The following C12orf42 variants were observed in gnomAD, a reference collection of about 807,000 sequenced individuals.
The protein encoded by C12orf42 is uncharacterized protein C12orf42.
A neutral mutation model predicts 21.6 loss-of-function variants in C12orf42; 25 were observed. That is an observed-to-expected ratio of 1.16 (90% CI 0.84 to 1.62). The LOEUF (loss-of-function observed/expected upper bound fraction) is 1.62, where lower values mean the gene tolerates loss of function less well. C12orf42 is among the 40% of genes most tolerant of loss of function. The probability of loss-of-function intolerance (pLI) is 0.00; values close to 1 mark genes in which losing one functional copy is unlikely to be tolerated. For synonymous variants in C12orf42, 174 were observed against 175.0 expected, an observed-to-expected ratio of 0.99 and a Z score of 0.05; for missense variants, 483 against 459.3, an observed-to-expected ratio of 1.05 and a Z score of -0.47.
At chr12:103,336,398 T>C (rs1257529774) in intron 4 of C12orf42, among the ~76,000 whole-genome samples, 1 of 152,194 alleles carries the variant, frequency 6.6e-6, no homozygotes, top group Non-Finnish European at 1.5e-5. Flanking sequence ...AAATCATACA[T>C]CCTGAGATTC....
Position 103,473,400 on chromosome 12 carries a change from T to C in C12orf42, c.78+4949A>G, listed in dbSNP as rs11111597. On this transcript the variant is annotated intron_variant, in intron 2 of 5. Transcript: ENST00000548883. ...GCCATTTGATAGGTGAAGAAACAGA[T>C]AGTCAGAGAGACCCCAGGCCATGCT... is the stretch of plus-strand genomic sequence containing the variant. Among the ~76,000 whole-genome samples the C allele has an allele frequency of 0.012, 1,887 of 152,250 alleles. 212 individuals are homozygous for C. The East Asian group carries it at 0.26, about 21-fold the overall frequency.
At chr12:103,184,722 C>G in the C12orf42 span, among the ~76,000 whole-genome samples, 6 of 102,550 alleles carry the variant, frequency 5.9e-5, no homozygotes, top group South Asian at 7.6e-4. Context: ...CCCCCCCCCC[C>G]CCAAATATAT....
chr12:103,491,939 T>C (rs1955211194), intron 1 of C12orf42, among the ~76,000 whole-genome samples: 1 of 118,862 alleles, frequency 8.4e-6, no homozygotes, highest in African/African-American at 2.8e-5. Context: ...AGAAACTCCT[T>C]GTTTTCAATT....
the C12orf42 span, among the ~76,000 whole-genome samples, chr12:103,154,223 G>A: frequency 6.6e-6 from 1 of 152,122 alleles, no homozygotes; most frequent in African/African-American, 2.4e-5. Flanking sequence ...TTTCTGGTAT[G>A]CTGGTGAATG....
intron 1 of C12orf42, among the ~76,000 whole-genome samples, chr12:103,485,903 T>A (rs1954800187): frequency 6.6e-6 from 1 of 152,200 alleles, no homozygotes; most frequent in African/African-American, 2.4e-5. Context: ...AGATATACAA[T>A]CATGTCATCT....
At chr12:103,271,920 G>C (rs1018343236) in intron 5 of C12orf42, among the ~76,000 whole-genome samples, 2 of 152,182 alleles carry the variant, frequency 1.3e-5, no homozygotes, top group South Asian at 4.1e-4. Context: ...AACTGCTAGA[G>C]AGTATGTGCT....
chr12:103,273,683 GA>G (rs1593256429), intron 5 of C12orf42: 3 of 364,124 alleles, frequency 8.2e-6, no homozygotes, highest in East Asian at 1.5e-4. Flanking sequence ...AGGTGGTATG[GA>G]TATAGTACAA....
the C12orf42 span, among the ~76,000 whole-genome samples, chr12:103,508,941 G>A: frequency 2.0e-5 from 3 of 152,178 alleles, no homozygotes; most frequent in Non-Finnish European, 2.9e-5. Context: ...AGTATTTGAA[G>A]TACTTTATAT....
chr12:103,350,093 C>A (rs759635503), intron 4 of C12orf42, among the ~76,000 whole-genome samples: 10 of 151,948 alleles, frequency 6.6e-5, no homozygotes, highest in Non-Finnish European at 1.2e-4. Context: ...AGATAATGAC[C>A]AAATTTAGGA....
chr12:103,426,365 T>C (rs1949810600), intron 2 of C12orf42, among the ~76,000 whole-genome samples: 1 of 151,854 alleles, frequency 6.6e-6, no homozygotes, highest in African/African-American at 2.4e-5. Flanking sequence ...ATCTCAGAGG[T>C]AGAAGATAGA....
chr12:103,289,135 C>T (rs1434498302), intron 4 of C12orf42, among the ~76,000 whole-genome samples: 2 of 152,108 alleles, frequency 1.3e-5, no homozygotes, highest in African/African-American at 4.8e-5. Flanking sequence ...TAATATATTA[C>T]ATATTTGGAA....
At chr12:103,376,005 TCTA>T (rs1185133963) in intron 3 of C12orf42, among the ~76,000 whole-genome samples, 4 of 152,124 alleles carry the variant, frequency 2.6e-5, no homozygotes, top group African/African-American at 9.7e-5. Flanking sequence ...ATATCTACCA[TCTA>T]CTGAGTGTAT....
chr12:103,537,088 C>CTGAATGAA, the C12orf42 span, among the ~76,000 whole-genome samples: 192 of 151,786 alleles, frequency 1.3e-3, no homozygotes, highest in African/African-American at 4.2e-3. Flanking sequence ...TTACTATTTT[C>CTGAATGAA]TGAATGAATG....
At chr12:103,159,141 G>A in the C12orf42 span, among the ~76,000 whole-genome samples, 1 of 152,168 alleles carries the variant, frequency 6.6e-6, no homozygotes, top group Non-Finnish European at 1.5e-5. Context: ...CCAGAAGATA[G>A]GCAAGTAAAG....
intron 2 of C12orf42, among the ~76,000 whole-genome samples, chr12:103,447,956 T>C (rs552684111): frequency 3.9e-5 from 6 of 152,048 alleles, no homozygotes; most frequent in South Asian, 2.1e-4. Flanking sequence ...TTATAATTCA[T>C]GTGGAACCAA....
intron 2 of C12orf42, among the ~76,000 whole-genome samples, chr12:103,418,032 A>G (rs10467020): frequency 0.19 from 29,211 of 152,170 alleles, 3,368 homozygotes; most frequent in East Asian, 0.35. Flanking sequence ...TAACTTTGCT[A>G]TTCTACCCTA....
At chr12:103,286,112 G>A (rs549081858) in intron 4 of C12orf42, among the ~76,000 whole-genome samples, 46 of 152,068 alleles carry the variant, frequency 3.0e-4, no homozygotes, top group African/African-American at 1.0e-3. Flanking sequence ...TCAGCTGGGC[G>A]TGGTGGCAGG....
chr12:103,443,127 GTTTCATCT>G (rs1951360913), intron 2 of C12orf42, among the ~76,000 whole-genome samples: 1 of 152,066 alleles, frequency 6.6e-6, no homozygotes, highest in Admixed American at 6.6e-5. Context: ...AACAGCACAA[GTTTCATCT>G]TTTCAAACAC....
chr12:103,527,196 A>G, the C12orf42 span, among the ~76,000 whole-genome samples: 1 of 152,128 alleles, frequency 6.6e-6, no homozygotes, highest in East Asian at 1.9e-4. Flanking sequence ...TTCAGAAAGA[A>G]ATGGTTTCTT....
Sources: allele counts gnomAD v4.1 joint callset (sites outside exome capture counted in the v4.1 genomes callset), GRCh38; gene constraint gnomAD v4.1.1; transcripts MANE v1.5; gene names NCBI Gene and HGNC (gene_info 2026-07-23, HGNC 2026-07-21).